Variants in CAMK4 observed in about 807,000 individuals in gnomAD.
CAMK4 encodes calcium/calmodulin-dependent protein kinase type IV.
A neutral mutation model predicts 44.9 loss-of-function variants in CAMK4; 22 were observed. The ratio of observed to expected loss-of-function variants is 0.49; its 90% CI spans 0.35 to 0.70. The LOEUF (loss-of-function observed/expected upper bound fraction) is 0.70. Ranked by LOEUF, CAMK4 falls within the 30% of genes least tolerant of loss-of-function variation. The pLI is 0.01. For synonymous variants in CAMK4, 218 were observed against 215.4 expected, an observed-to-expected ratio of 1.01 and a Z score of -0.11; for missense variants, 498 against 586.8, an observed-to-expected ratio of 0.85 and a Z score of 1.56.
At chr5:111,238,819 T>C (rs1036330694) in intron 1 of CAMK4, among the ~76,000 whole-genome samples, 1 of 128,120 alleles carries the variant, frequency 7.8e-6, no homozygotes, top group Admixed American at 8.0e-5. Flanking sequence ...TTTTTTTTTT[T>C]TTTTTTTTTT....
At chr5:111,224,275 C>T, upstream of CAMK4, 3 of 573,122 alleles carry the variant, frequency 5.2e-6, no homozygotes, top group Non-Finnish European at 7.8e-6. This position sits in a 1 kb window ranked among gnomAD's most constrained non-coding sequence, Gnocchi z 5.7. Flanking sequence ...GCGGCGACTC[C>T]GGGTTCCCCC....
intron 1 of CAMK4, among the ~76,000 whole-genome samples, chr5:111,262,216 A>G (rs1750014657): frequency 6.6e-6 from 1 of 151,902 alleles, no homozygotes; most frequent in African/African-American, 2.4e-5. Flanking sequence ...GAAAATTGCA[A>G]TAGAGGAGAA....
chr5:111,333,173 T>G (rs556990506), intron 1 of CAMK4, among the ~76,000 whole-genome samples: 2 of 150,880 alleles, frequency 1.3e-5, no homozygotes, highest in Admixed American at 1.3e-4. Context: ...TTAAATATAG[T>G]AGATGGTATG....
At chr5:111,433,456 T>C (rs1580746918) in intron 5 of CAMK4, among the ~76,000 whole-genome samples, 1 of 152,176 alleles carries the variant, frequency 6.6e-6, no homozygotes, top group South Asian at 2.1e-4. Flanking sequence ...GACCCAGAAA[T>C]GAATATCTAG....
chr5:111,424,674 C>T (rs1753156797), intron 5 of CAMK4, among the ~76,000 whole-genome samples: 6 of 151,782 alleles, frequency 4.0e-5, no homozygotes, highest in African/African-American at 7.2e-5. Context: ...GTCTCGATCT[C>T]CTGACCTTGC....
chr5:111,418,678 T>A (rs1461232076), intron 5 of CAMK4, among the ~76,000 whole-genome samples: 1 of 147,866 alleles, frequency 6.8e-6, no homozygotes, highest in African/African-American at 2.5e-5. Context: ...CACCTATGAG[T>A]GAGAACATGC....
At chr5:111,267,257 A>G (rs1750288345) in intron 1 of CAMK4, among the ~76,000 whole-genome samples, 4 of 152,154 alleles carry the variant, frequency 2.6e-5, no homozygotes, top group Admixed American at 2.6e-4. Flanking sequence ...CAAGATCGTA[A>G]TTTGGGCCCT....
At chr5:111,450,615 C>G (rs7722784) in intron 7 of CAMK4, among the ~76,000 whole-genome samples, 2,875 of 63,888 alleles carry the variant, frequency 0.045, 829 homozygotes, top group African/African-American at 0.21. Flanking sequence ...TGGTGAAACC[C>G]CGTCTCTACT....
intron 1 of CAMK4, among the ~76,000 whole-genome samples, chr5:111,301,416 A>G (rs1747714466): frequency 6.6e-6 from 1 of 152,230 alleles, no homozygotes; most frequent in Non-Finnish European, 1.5e-5. Flanking sequence ...TCCTACATGG[A>G]TGGTGATGAA....
intron 1 of CAMK4, among the ~76,000 whole-genome samples, chr5:111,249,795 T>G (rs1749410874): frequency 6.6e-6 from 1 of 151,660 alleles, no homozygotes; most frequent in South Asian, 2.1e-4. Flanking sequence ...CATTGTTGAT[T>G]GCTTTCTCAA....
intron 1 of CAMK4, among the ~76,000 whole-genome samples, chr5:111,261,463 T>G (rs75215207): frequency 0.037 from 5,641 of 152,262 alleles, 335 homozygotes; most frequent in African/African-American, 0.13. Flanking sequence ...CTCTGAGGTT[T>G]CGAGGATAGC....
At chr5:111,466,652 A>ACC (rs1754845594) in intron 7 of CAMK4, among the ~76,000 whole-genome samples, 1 of 152,140 alleles carries the variant, frequency 6.6e-6, no homozygotes, top group Non-Finnish European at 1.5e-5. Flanking sequence ...GACATGAAAG[A>ACC]CCTCTCTACA....
At chr5:111,260,188 G>T (rs1201113810) in intron 1 of CAMK4, among the ~76,000 whole-genome samples, 1 of 152,060 alleles carries the variant, frequency 6.6e-6, no homozygotes. Context: ...TTGACTGTCT[G>T]GGTCAATCTT....
At chr5:111,384,626 A>G (rs897902121) in intron 4 of CAMK4, among the ~76,000 whole-genome samples, 1 of 152,124 alleles carries the variant, frequency 6.6e-6, no homozygotes, top group African/African-American at 2.4e-5. Flanking sequence ...TAAACTAATC[A>G]ACATGAATTT....
chr5:111,479,018 A>T (rs905503798), intron 9 of CAMK4, among the ~76,000 whole-genome samples: 1 of 152,236 alleles, frequency 6.6e-6, no homozygotes, highest in South Asian at 2.1e-4. Context: ...GCTGGGACAC[A>T]GGTGCATGCC....
At chr5:111,464,074 A>G (rs1754737553) in intron 7 of CAMK4, among the ~76,000 whole-genome samples, 2 of 151,998 alleles carry the variant, frequency 1.3e-5, no homozygotes, top group South Asian at 4.2e-4. Flanking sequence ...GGTGAAGTCC[A>G]ATTAAATGAA....
intron 3 of CAMK4, 77 bp from the exon 4 acceptor site, chr5:111,376,783 T>C (rs181295597): frequency 3.7e-6 from 3 of 813,770 alleles, no homozygotes; most frequent in African/African-American, 3.5e-5. Flanking sequence ...AATGTTGTTT[T>C]AGCCATAGTA....
intron 1 of CAMK4, among the ~76,000 whole-genome samples, chr5:111,328,146 C>T (rs1187122330): frequency 2.7e-5 from 4 of 145,998 alleles, no homozygotes; most frequent in African/African-American, 7.8e-5. Context: ...GGTTTTAGGT[C>T]TAACATTTAA....
At chr5:111,249,546 GCTGA>G (rs1219853690) in intron 1 of CAMK4, among the ~76,000 whole-genome samples, 10 of 150,268 alleles carry the variant, frequency 6.7e-5, no homozygotes, top group African/African-American at 1.7e-4. Flanking sequence ...TAAACAAAAG[GCTGA>G]CTATGAAAAT....
Sources: gnomAD v4.1 joint callset for allele counts (sites outside exome capture counted in the v4.1 genomes callset) on GRCh38, gnomAD v4.1.1 for gene constraint, Gnocchi (gnomAD v3.1) non-coding constraint, MANE v1.5 for transcripts, NCBI Gene and HGNC (gene_info 2026-07-23, HGNC 2026-07-21) for gene names.